The following PCDHA5 variants were observed in gnomAD, a reference collection of about 807,000 sequenced individuals.
PCDHA5 encodes the protein protocadherin alpha 5, also known as protocadherin alpha-5.
In PCDHA5, 43 loss-of-function variants were observed where a neutral mutation model predicts 61.6. The ratio of observed to expected loss-of-function variants is 0.70; its 90% CI spans 0.55 to 0.90. The LOEUF is 0.90. Ranked by LOEUF, PCDHA5 falls within the 40% of genes least tolerant of loss-of-function variation. The probability of loss-of-function intolerance (pLI) is 0.00; values close to 1 mark genes in which losing one functional copy is unlikely to be tolerated. For missense variants in PCDHA5, 1,298 were observed against 1,222.7 expected (o/e 1.06, Z -0.92); for synonymous variants, 627 against 543.9 (o/e 1.15, Z -2.13).
intron 1 of PCDHA5, among the ~76,000 whole-genome samples, chr5:140,964,874 A>C (rs1443431100): frequency 6.6e-6 from 1 of 152,178 alleles, no homozygotes; most frequent in East Asian, 1.9e-4. Flanking sequence ...GACAAATAAG[A>C]AGCAGCAGTG....
chr5:140,842,854 C>T, intron 1 of PCDHA5: 1 of 1,594,004 alleles, frequency 6.3e-7, no homozygotes, highest in South Asian at 1.1e-5. Context: ...TTTCGGTGCA[C>T]ACGGAGAGCG....
chr5:140,884,766 T>G, intron 1 of PCDHA5: 1 of 1,416,492 alleles, frequency 7.1e-7, no homozygotes, highest in Non-Finnish European at 9.3e-7. Context: ...TTCTTTACTT[T>G]AATTTTAATT....
chr5:140,836,159 G>C, intron 1 of PCDHA5: 1 of 1,613,838 alleles, frequency 6.2e-7, no homozygotes, highest in Non-Finnish European at 8.5e-7. Context: ...ATGTGGTGGC[G>C]AAGGTACGTG....
At chr5:140,965,442 G>A (rs782186943) in intron 1 of PCDHA5, among the ~76,000 whole-genome samples, 3 of 151,978 alleles carry the variant, frequency 2.0e-5, no homozygotes, top group Non-Finnish European at 4.4e-5. Flanking sequence ...CATTGAAATT[G>A]CTGGTTATTG....
At chr5:140,836,424 C>G (rs2150260544) in intron 1 of PCDHA5, 1 of 1,613,814 alleles carries the variant, frequency 6.2e-7, no homozygotes, top group Non-Finnish European at 8.5e-7. Context: ...GGCGTCGTCG[C>G]GGGCATCGTT....
intron 1 of PCDHA5, chr5:140,866,128 A>G (rs1022878402): frequency 6.6e-6 from 1 of 152,166 alleles, no homozygotes; most frequent in Non-Finnish European, 1.5e-5. Flanking sequence ...AGAACTACGT[A>G]TCTGTTGTTT....
intron 1 of PCDHA5, among the ~76,000 whole-genome samples, chr5:140,903,417 T>C (rs1583492047): frequency 6.6e-6 from 1 of 152,200 alleles, no homozygotes; most frequent in Non-Finnish European, 1.5e-5. Flanking sequence ...CAGGAAAAAT[T>C]CAGCACAATA....
chr5:140,883,621 C>G (rs368758287), intron 1 of PCDHA5: 2 of 1,613,850 alleles, frequency 1.2e-6, no homozygotes, highest in African/African-American at 2.7e-5. Flanking sequence ...TGAACGACAA[C>G]GCGCCGGCGT....
chr5:140,889,639 G>A (rs1271182789), intron 1 of PCDHA5, among the ~76,000 whole-genome samples: 1 of 151,770 alleles, frequency 6.6e-6, no homozygotes, highest in Non-Finnish European at 1.5e-5. Flanking sequence ...TTTCATTTGT[G>A]TTTGCAGGAG....
At chr5:140,894,068 A>G (rs2064306594) in intron 1 of PCDHA5, among the ~76,000 whole-genome samples, 1 of 152,160 alleles carries the variant, frequency 6.6e-6, no homozygotes, top group Non-Finnish European at 1.5e-5. Context: ...TTTTAAATAC[A>G]TTTATTTTAT....
At chr5:140,887,668 A>G (rs1047587717) in intron 1 of PCDHA5, among the ~76,000 whole-genome samples, 1 of 151,958 alleles carries the variant, frequency 6.6e-6, no homozygotes, top group Non-Finnish European at 1.5e-5. Context: ...CTGTGGATTT[A>G]TCATTTTCAT....
intron 1 of PCDHA5, chr5:140,883,858 G>C (rs2059854560): frequency 6.2e-7 from 1 of 1,613,142 alleles, no homozygotes; most frequent in Middle Eastern, 1.8e-4. Context: ...AGCTGGAGCT[G>C]TTGCAGTTCC....
intron 3 of PCDHA5, among the ~76,000 whole-genome samples, chr5:141,000,640 C>G (rs2097954123): frequency 6.6e-6 from 1 of 151,256 alleles, no homozygotes; most frequent in South Asian, 2.1e-4. Flanking sequence ...GTTGGGCAGG[C>G]TGGTCTCGAA....
chr5:140,885,945 TA>T (rs2060787135), intron 1 of PCDHA5, among the ~76,000 whole-genome samples: 1 of 152,206 alleles, frequency 6.6e-6, no homozygotes, highest in Non-Finnish European at 1.5e-5. Flanking sequence ...TTGACATTTT[TA>T]ATTAAAATTT....
At chr5:140,861,658 G>T (rs913348410) in intron 1 of PCDHA5, 2 of 268,996 alleles carry the variant, frequency 7.4e-6, no homozygotes, top group Non-Finnish European at 1.5e-5. Context: ...TTTCTGAAAC[G>T]AGAGCTCTTG....
intron 1 of PCDHA5, chr5:140,927,446 T>C (rs1554204540): frequency 6.2e-7 from 1 of 1,614,128 alleles, no homozygotes; most frequent in Non-Finnish European, 8.5e-7. Flanking sequence ...TACCCGGAGT[T>C]GGTGTTGGAG....
Position 140,858,751 on chromosome 5 carries a change from G to A in PCDHA5, c.2352+34624G>A, listed in dbSNP as rs938240146. On this transcript the variant is annotated intron_variant, in intron 1 of 3. Coordinates refer to ENST00000529859, the MANE Select transcript of PCDHA5 (RefSeq NM_018908.3). ...CGATTTACTTTCATAATCACTTTTC[G>A]TTACAAATATTTGTGAGATTAGTAC... 35 of 456,172 alleles carry A rather than the reference G, an allele frequency of 7.7e-5. 1 individual carries two copies. In the East Asian group the frequency reaches 9.6e-4, roughly 13 times the overall value. 28.3% of individuals were successfully genotyped at this position (456,172 alleles called of 1,614,324 possible).
intron 1 of PCDHA5, 166 bp from the exon 2 acceptor site, chr5:140,978,783 A>G: frequency 1.0e-6 from 1 of 972,136 alleles, no homozygotes. Context: ...TTTCTTCTAA[A>G]GTGCTATATA....
chr5:140,841,591 C>T (rs2150318680), intron 1 of PCDHA5: 1 of 1,614,046 alleles, frequency 6.2e-7, no homozygotes, highest in Admixed American at 1.7e-5. Context: ...ATTCTCGGAT[C>T]GACCGCGAGG....
Sources: gnomAD v4.1 joint callset for allele counts (sites outside exome capture counted in the v4.1 genomes callset) on GRCh38, gnomAD v4.1.1 for gene constraint, MANE v1.5 for transcripts, NCBI Gene and HGNC (gene_info 2026-07-23, HGNC 2026-07-21) for gene names.